GALNT17: variants seen among roughly 807,000 people sequenced by gnomAD.
GALNT17 encodes polypeptide N-acetylgalactosaminyltransferase 17, also known as UDP-GalNAc:polypeptide N-acetylgalactosaminyltransferase-like 3.
In GALNT17, 29 loss-of-function variants were observed where a neutral mutation model predicts 63.7. The ratio of observed to expected loss-of-function variants is 0.46; its 90% CI spans 0.34 to 0.62. The LOEUF (loss-of-function observed/expected upper bound fraction) is 0.62. GALNT17 is among the 20% of genes least tolerant of loss of function. The pLI is 0.01. For missense variants in GALNT17, 603 were observed against 799.6 expected (o/e 0.75, Z 2.97); for synonymous variants, 305 against 318.3 (o/e 0.96, Z 0.45).
Position 71,530,537 on chromosome 7 carries a change from A to AATTTATTTATTT in GALNT17, c.963-40707_963-40696dup, listed in dbSNP as rs59298142. Among the ~76,000 whole-genome samples, 9 of 140,368 alleles carry AATTTATTTATTT rather than the reference A, an allele frequency of 6.4e-5. No individual in the cohort carries two copies. The South Asian group carries it at 7.4e-4, about 11-fold the overall frequency. The allele number at this position is 140,368 out of a possible 152,430, so 92.1% of individuals were successfully genotyped here. A position where few individuals can be genotyped will look rare whatever the true frequency, so the allele number is the denominator to read the frequency against. On this transcript the variant is annotated intron_variant, in intron 5 of 10. Transcript: ENST00000333538. The stretch of plus-strand genomic sequence containing the variant: ...TCAGTGTCTTTTGGAGAGGTACAAG[A>AATTTATTTATTT]ATTTATTTATTTATTTATTTATTTA...
chr7:71,669,074 C>G (rs1791028099), intron 7 of GALNT17, among the ~76,000 whole-genome samples: 1 of 152,200 alleles, frequency 6.6e-6, no homozygotes, highest in South Asian at 2.1e-4. Context: ...TGTAGGTCGT[C>G]AACATCAGCG....
chr7:71,223,213 A>C (rs542674099), intron 1 of GALNT17, among the ~76,000 whole-genome samples: 1 of 152,194 alleles, frequency 6.6e-6, no homozygotes, highest in Non-Finnish European at 1.5e-5. Context: ...ACTTTTGCCA[A>C]CTATTTTTAG....
At chr7:71,700,155 A>C (rs772432539) in intron 9 of GALNT17, among the ~76,000 whole-genome samples, 63 of 151,782 alleles carry the variant, frequency 4.2e-4, no homozygotes, top group Non-Finnish European at 6.2e-4. Flanking sequence ...ACAACAACAA[A>C]AAACTAGCCA....
chr7:71,333,570 C>G (rs1297048220), intron 1 of GALNT17, among the ~76,000 whole-genome samples: 1 of 152,164 alleles, frequency 6.6e-6, no homozygotes. Flanking sequence ...GAGACAGAGT[C>G]TTGCTCGGTC....
At chr7:71,642,149 C>T (rs77918148) in intron 6 of GALNT17, among the ~76,000 whole-genome samples, 3,097 of 152,228 alleles carry the variant, frequency 0.02, 104 homozygotes, top group African/African-American at 0.069. Flanking sequence ...ATTCCTCCCT[C>T]TCCCAAATCT....
At chr7:71,218,150 T>TCTC (rs1200244126) in intron 1 of GALNT17, among the ~76,000 whole-genome samples, 1 of 152,092 alleles carries the variant, frequency 6.6e-6, no homozygotes, top group Non-Finnish European at 1.5e-5. Context: ...TCCCAGCAGT[T>TCTC]TGGGAGGCCG....
At chr7:71,368,758 A>C (rs932038187) in intron 2 of GALNT17, among the ~76,000 whole-genome samples, 4 of 152,192 alleles carry the variant, frequency 2.6e-5, no homozygotes, top group Non-Finnish European at 5.9e-5. Context: ...AGTTAAGCTA[A>C]TGTTTCTGGG....
chr7:71,231,465 G>A (rs755726575), intron 1 of GALNT17, among the ~76,000 whole-genome samples: 8 of 152,160 alleles, frequency 5.3e-5, no homozygotes, highest in Non-Finnish European at 1.2e-4. Flanking sequence ...GGAAGAGAGG[G>A]TGGATGGAAA....
chr7:71,157,190 T>C (rs1282164404), intron 1 of GALNT17, among the ~76,000 whole-genome samples: 2 of 151,948 alleles, frequency 1.3e-5, no homozygotes, highest in Non-Finnish European at 2.9e-5. Flanking sequence ...TCTTCATATC[T>C]GTGAACCATT....
chr7:71,528,272 C>G (rs1395644685), intron 5 of GALNT17, among the ~76,000 whole-genome samples: 1 of 152,198 alleles, frequency 6.6e-6, no homozygotes, highest in East Asian at 1.9e-4. Flanking sequence ...TTATCTTCCA[C>G]TGTGATGTCC....
chr7:71,358,355 A>G (rs1206766776), intron 2 of GALNT17, among the ~76,000 whole-genome samples: 1 of 152,244 alleles, frequency 6.6e-6, no homozygotes, highest in Non-Finnish European at 1.5e-5. Flanking sequence ...AGATTGCGCC[A>G]TTGCACTCCT....
intron 1 of GALNT17, among the ~76,000 whole-genome samples, chr7:71,164,385 G>A (rs1788398980): frequency 6.6e-6 from 1 of 152,178 alleles, no homozygotes; most frequent in Admixed American, 6.5e-5. Flanking sequence ...ACCAGATCTT[G>A]TGAGAACTCA....
chr7:71,141,789 G>C (rs1036618272), intron 1 of GALNT17, among the ~76,000 whole-genome samples: 1 of 149,410 alleles, frequency 6.7e-6, no homozygotes, highest in East Asian at 2.0e-4. Context: ...TGATCCTCCT[G>C]CCTCAGCCTG....
chr7:71,154,094 T>A (rs950367959), intron 1 of GALNT17, among the ~76,000 whole-genome samples: 6 of 152,114 alleles, frequency 3.9e-5, no homozygotes, highest in Admixed American at 6.6e-5. Context: ...CTTCAGAGGC[T>A]GGATCAAAAA....
chr7:71,559,490 G>C (rs1415962442), intron 5 of GALNT17, among the ~76,000 whole-genome samples: 2 of 152,128 alleles, frequency 1.3e-5, no homozygotes, highest in African/African-American at 4.8e-5. Flanking sequence ...CCTTGGTCAG[G>C]TTACTGAACC....
In GALNT17 at chr7:71,132,555, C is replaced by G; in HGVS notation, c.-248C>G. The G allele has an allele frequency of 2.0e-6, 1 of 503,424 alleles. No homozygotes were observed. Among genetic ancestry groups the G allele is most frequent in the Non-Finnish European group, 3.5e-6 (1 of 286,300 alleles). The allele number at this position is 503,424 out of a possible 1,614,324, so 31.2% of individuals were successfully genotyped here. A position where few individuals can be genotyped will look rare whatever the true frequency, so the allele number is the denominator to read the frequency against. ...CCTGGACGGGGCCGTGCGCCGTGGA[C>G]TGAGCAGGCGTCTCGGGGAGCACTT... On this transcript the variant is annotated 5_prime_UTR_variant, in exon 1 of 11. Coordinates refer to ENST00000333538, the MANE Select transcript of GALNT17 (RefSeq NM_022479.3).
At chr7:71,208,850 G>A (rs539927085) in intron 1 of GALNT17, among the ~76,000 whole-genome samples, 1 of 152,076 alleles carries the variant, frequency 6.6e-6, no homozygotes. Context: ...TCCAGGAATG[G>A]AATCTCCACT....
At chr7:71,165,147 C>T (rs1459292317) in intron 1 of GALNT17, among the ~76,000 whole-genome samples, 2 of 135,698 alleles carry the variant, frequency 1.5e-5, no homozygotes, top group Non-Finnish European at 3.3e-5. Flanking sequence ...CATTGGTGGA[C>T]CATAGCTCAA....
At chr7:71,499,791 C>T (rs943794210) in intron 5 of GALNT17, among the ~76,000 whole-genome samples, 4 of 152,170 alleles carry the variant, frequency 2.6e-5, no homozygotes, top group Admixed American at 1.3e-4. Flanking sequence ...TGTGTCCCCC[C>T]ACAAATCTCA....
Sources: gnomAD v4.1 joint callset for allele counts (sites outside exome capture counted in the v4.1 genomes callset) on GRCh38, gnomAD v4.1.1 for gene constraint, MANE v1.5 for transcripts, NCBI Gene and HGNC (gene_info 2026-07-23, HGNC 2026-07-21) for gene names.